The following FBXL17 variants were observed in gnomAD, a reference collection of about 807,000 sequenced individuals.
The protein encoded by FBXL17 is F-box/LRR-repeat protein 17.
A neutral mutation model predicts 66.2 loss-of-function variants in FBXL17; 22 were observed. That is an observed-to-expected ratio of 0.33 (90% CI 0.24 to 0.47). The LOEUF (loss-of-function observed/expected upper bound fraction) is 0.47, where lower values mean the gene tolerates loss of function less well. FBXL17 is among the 20% of genes least tolerant of loss of function. The pLI is 1.00. For missense variants in FBXL17, 878 were observed against 948.2 expected, an observed-to-expected ratio of 0.93 and a Z score of 0.97; for synonymous variants, 474 against 400.5, an observed-to-expected ratio of 1.18 and a Z score of -2.19.
chr5:108,042,132 T>G (rs530773457), intron 6 of FBXL17, among the ~76,000 whole-genome samples: 2 of 152,232 alleles, frequency 1.3e-5, no homozygotes, highest in East Asian at 3.9e-4. Context: ...TGACCTCAGG[T>G]GATCTGCCTC....
chr5:108,058,790 C>A (rs1274040025), intron 6 of FBXL17, among the ~76,000 whole-genome samples: 1 of 152,184 alleles, frequency 6.6e-6, no homozygotes, highest in Non-Finnish European at 1.5e-5. Flanking sequence ...GAATTCATAG[C>A]CCAATGCCTT....
intron 7 of FBXL17, among the ~76,000 whole-genome samples, chr5:107,913,525 C>T (rs1314464313): frequency 6.6e-6 from 1 of 152,082 alleles, no homozygotes; most frequent in Non-Finnish European, 1.5e-5. Context: ...TTTATGTTCC[C>T]TTGATCCTCA....
chr5:108,143,040 G>C (rs1191400031), intron 6 of FBXL17, among the ~76,000 whole-genome samples: 1 of 151,366 alleles, frequency 6.6e-6, no homozygotes, highest in Non-Finnish European at 1.5e-5. Flanking sequence ...GTTATGAACT[G>C]CTCAAGTGAG....
At chr5:108,284,521 T>C (rs1757822522) in intron 4 of FBXL17, among the ~76,000 whole-genome samples, 1 of 151,762 alleles carries the variant, frequency 6.6e-6, no homozygotes, top group South Asian at 2.1e-4. Context: ...ATGTAGAGTG[T>C]GGAACAATAG....
chr5:108,036,453 T>C (rs545699883), intron 6 of FBXL17, among the ~76,000 whole-genome samples: 1 of 152,326 alleles, frequency 6.6e-6, no homozygotes, highest in South Asian at 2.1e-4. Flanking sequence ...TTACATTTGA[T>C]GCACTTTCTT....
intron 5 of FBXL17, among the ~76,000 whole-genome samples, chr5:108,204,303 C>A (rs1754021862): frequency 6.6e-6 from 1 of 152,078 alleles, no homozygotes; most frequent in African/African-American, 2.4e-5. Context: ...AATCCACCCA[C>A]CTCAAGCCTC....
chr5:108,052,320 C>A (rs900114994), intron 6 of FBXL17, among the ~76,000 whole-genome samples: 1 of 152,074 alleles, frequency 6.6e-6, no homozygotes, highest in Non-Finnish European at 1.5e-5. Context: ...ATCATCTCAG[C>A]CCCAAAACTC....
intron 6 of FBXL17, among the ~76,000 whole-genome samples, chr5:108,141,614 T>C (rs899326530): frequency 1.3e-5 from 2 of 152,212 alleles, no homozygotes; most frequent in African/African-American, 4.8e-5. Flanking sequence ...AAAACAGATC[T>C]GGGCAGGTTA....
At chr5:108,293,869 C>A (rs1488756867) in intron 4 of FBXL17, among the ~76,000 whole-genome samples, 1 of 151,076 alleles carries the variant, frequency 6.6e-6, no homozygotes, top group African/African-American at 2.4e-5. Context: ...GGTGAAACCC[C>A]ATCTCTACTA....
intron 3 of FBXL17, among the ~76,000 whole-genome samples, chr5:108,350,930 T>C (rs556022051): frequency 6.6e-6 from 1 of 152,294 alleles, no homozygotes; most frequent in East Asian, 1.9e-4. Context: ...AAAGAAAATC[T>C]TAAGGATAAC....
intron 7 of FBXL17, among the ~76,000 whole-genome samples, chr5:108,005,830 G>A (rs1376218218): frequency 1.3e-5 from 2 of 152,200 alleles, no homozygotes; most frequent in African/African-American, 4.8e-5. Context: ...AGACATATTA[G>A]GTGGTGGGGG....
At chr5:108,280,168 T>C (rs1483009751) in intron 4 of FBXL17, among the ~76,000 whole-genome samples, 4 of 152,122 alleles carry the variant, frequency 2.6e-5, no homozygotes, top group Non-Finnish European at 5.9e-5. Flanking sequence ...CCATAGAACA[T>C]TATATCAGGC....
rs1298339899 is a variant in FBXL17, at chr5:108,381,028, C to A, written c.664G>T (p.Gly222Cys). ...CCCCCGCCACCGCCGCCGCCGCCGC[C>A]GCCGCAGCCCCCGCCGCCGCAGCGG... The part of the protein sequence containing the change: ...QPRCGGGGCG[G>C]GGGGGGGGGP... Residue 222 changes from glycine (G) to cysteine (C), a missense_variant, in exon 1 of 9, where the codon GGC (glycine) becomes TGC (cysteine). Coordinates refer to ENST00000542267, the MANE Select transcript of FBXL17 (RefSeq NM_001163315.3). 8.4e-7 allele frequency: 1 copy of A among 1,191,920 alleles called. No individual in the cohort carries two copies. The highest frequency in any genetic ancestry group is 1.0e-6 in the Non-Finnish European group (1 of 962,768). 73.8% of individuals were successfully genotyped at this position (1,191,920 alleles called of 1,614,324 possible). A position where few individuals can be genotyped will look rare whatever the true frequency, so the allele number is the denominator to read the frequency against.
chr5:108,329,833 A>G (rs575012582), intron 4 of FBXL17, among the ~76,000 whole-genome samples: 1 of 152,192 alleles, frequency 6.6e-6, no homozygotes, highest in African/African-American at 2.4e-5. Context: ...AATATATGAG[A>G]GGTTAACAGT....
At chr5:107,890,210 A>C (rs1300628994) in intron 7 of FBXL17, among the ~76,000 whole-genome samples, 1 of 152,152 alleles carries the variant, frequency 6.6e-6, no homozygotes, top group Non-Finnish European at 1.5e-5. Flanking sequence ...CTTTATGAGA[A>C]GTGAATTCTG....
chr5:108,054,090 A>G (rs1200818792), intron 6 of FBXL17, among the ~76,000 whole-genome samples: 1 of 152,142 alleles, frequency 6.6e-6, no homozygotes, highest in Non-Finnish European at 1.5e-5. Flanking sequence ...GGAGAAGAAC[A>G]GCACACACCA....
rs548436893 is a variant in FBXL17, at chr5:108,288,479, G to A, written c.1506+59920C>T. Among the ~76,000 whole-genome samples, 5 of 151,746 alleles carry A rather than the reference G, an allele frequency of 3.3e-5. No homozygotes were observed. In the South Asian group the frequency reaches 1.0e-3, roughly 32 times the overall value. The stretch of plus-strand genomic sequence containing the variant: ...AATAAAGCAAAGCACAATAAAATGA[G>A]GTATGCTTGTAAACAACCACAAGTT... On this transcript the variant is annotated intron_variant, in intron 4 of 8. Coordinates refer to ENST00000542267, the MANE Select transcript of FBXL17 (RefSeq NM_001163315.3).
intron 7 of FBXL17, among the ~76,000 whole-genome samples, chr5:107,909,102 T>TA (rs1421301599): frequency 2.6e-5 from 4 of 152,058 alleles, no homozygotes; most frequent in African/African-American, 9.7e-5. Context: ...AGATTCTGGG[T>TA]AAAAAATGAA....
intron 6 of FBXL17, among the ~76,000 whole-genome samples, chr5:108,167,458 G>C (rs1346556274): frequency 6.6e-6 from 1 of 152,094 alleles, no homozygotes; most frequent in African/African-American, 2.4e-5. Context: ...AATAAGTTTA[G>C]CAAGGTTAGT....
Sources: allele counts gnomAD v4.1 joint callset (sites outside exome capture counted in the v4.1 genomes callset), GRCh38; gene constraint gnomAD v4.1.1; transcripts MANE v1.5; gene names NCBI Gene and HGNC (gene_info 2026-07-23, HGNC 2026-07-21).